HNF4A: variants seen among roughly 807,000 people sequenced by gnomAD.
HNF4A encodes hepatocyte nuclear factor 4 alpha.
Under a neutral mutation model 52.4 loss-of-function variants are expected in HNF4A, and 15 were observed. The observed-to-expected ratio is 0.29, with a 90% CI of 0.19 to 0.44. The LOEUF (loss-of-function observed/expected upper bound fraction) is 0.44, where lower values mean the gene tolerates loss of function less well. Among genes scored for constraint, HNF4A ranks in the 20% least tolerant of loss-of-function variants. The pLI, the probability that HNF4A is intolerant of heterozygous loss-of-function variation, is 1.00. For missense variants in HNF4A, 479 were observed against 647.2 expected, an observed-to-expected ratio of 0.74 and a Z score of 2.82; for synonymous variants, 280 against 264.4, an observed-to-expected ratio of 1.06 and a Z score of -0.57.
At chr20:44,414,386 G>C in intron 4 of HNF4A, 121 bp from the exon 5 acceptor site, 1 of 1,414,838 alleles carries the variant, frequency 7.1e-7, no homozygotes. Flanking sequence ...CAGAGCTGGA[G>C]GGCACCCACT....
Position 44,414,459 on chromosome 20 carries a change from G to A in HNF4A, c.493-48G>A, listed in dbSNP as rs191026838. 9.4e-4 allele frequency: 1,515 copies of A among 1,613,470 alleles called. 17 individuals carry two copies. The South Asian group carries it at 0.012, about 13-fold the overall frequency. On this transcript the variant is annotated intron_variant, in intron 4 of 9. Transcript: ENST00000316099. ...GCTCTGTGCAGGGGACAGAGAGTGC[G>A]GGAGGGCCCGGACATCTCCAGCATT...
At chr20:44,408,422 A>T (rs1331855398) in intron 3 of HNF4A, among the ~76,000 whole-genome samples, 4 of 152,190 alleles carry the variant, frequency 2.6e-5, no homozygotes, top group Non-Finnish European at 5.9e-5. Context: ...AAAATCTTTT[A>T]ACTGCTTTAA....
intron 3 of HNF4A, among the ~76,000 whole-genome samples, chr20:44,407,757 TTGTG>T (rs35406830): frequency 0.015 from 2,179 of 145,932 alleles, 43 homozygotes; most frequent in Admixed American, 0.062. Flanking sequence ...AGCAGCCACG[TTGTG>T]TGTGTGTGTG....
chr20:44,429,566 G>A lies in HNF4A; in HGVS notation c.1326G>A (p.Gly442=), dbSNP rs2063852034. 6.2e-6 allele frequency: 10 copies of A among 1,613,728 alleles called. No individual in the cohort carries two copies. The highest frequency in any genetic ancestry group is 1.1e-5 in the South Asian group (1 of 91,054). Residue 442 remains glycine, a synonymous_variant, in exon 10 of 10, where the codon GGG becomes GGA. Transcript: ENST00000316099. ...AGCCCTCACCGCCAGGTGGCTCAGG[G>A]TCTGAGCCCTATAAGCTCCTGCCGG...
intron 5 of HNF4A, among the ~76,000 whole-genome samples, chr20:44,415,210 T>C (rs554634358): frequency 3.3e-5 from 5 of 152,238 alleles, no homozygotes; most frequent in Non-Finnish European, 7.4e-5. Flanking sequence ...GTTGGGAGGA[T>C]TGAGGACATT....
At chr20:44,391,901 C>A (rs543114768) in intron 1 of HNF4A, 7 of 152,276 alleles carry the variant, frequency 4.6e-5, no homozygotes, top group African/African-American at 1.4e-4. Context: ...TCAATTTACA[C>A]CTTTTATGTT....
chr20:44,421,773 G>GTATATATATATAATATATATTATATA (rs1568738767), intron 7 of HNF4A, among the ~76,000 whole-genome samples: 1 of 144,528 alleles, frequency 6.9e-6, no homozygotes, highest in African/African-American at 2.5e-5. Context: ...ACATATATGT[G>GTATATATATATAATATATATTATATA]TATATATATA....
Position 44,431,814 on chromosome 20 carries a change from A to T in HNF4A, c.*2149A>T, listed in dbSNP as rs1445993765. ...CAGTGCCCCAGTGCCCAGAAATCCC[A>T]CCATTAGTGATTGTTTTTTATGAGA... On this transcript the variant is annotated 3_prime_UTR_variant, in exon 10 of 10. Transcript: ENST00000316099. The T allele has an allele frequency of 1.3e-5, 2 of 152,228 alleles. No individual in the cohort carries two copies. Among genetic ancestry groups the T allele is most frequent in the Non-Finnish European group, 2.9e-5 (2 of 68,114 alleles). The allele number at this position is 152,228 out of a possible 1,614,324, so 9.4% of individuals were successfully genotyped here.
intron 1 of HNF4A, among the ~76,000 whole-genome samples, chr20:44,357,380 A>G (rs1381549008): frequency 6.6e-6 from 1 of 152,124 alleles, no homozygotes; most frequent in Non-Finnish European, 1.5e-5. Flanking sequence ...CTTAATCCAC[A>G]ATTTTAAGAC....
At chr20:44,378,820 GA>G (rs2063116353) in intron 1 of HNF4A, among the ~76,000 whole-genome samples, 1 of 151,526 alleles carries the variant, frequency 6.6e-6, no homozygotes, top group Non-Finnish European at 1.5e-5. Context: ...TCAGGAGGCT[GA>G]GGCAGGAGAC....
intron 1 of HNF4A, among the ~76,000 whole-genome samples, chr20:44,394,865 G>T (rs943498064): frequency 6.6e-6 from 1 of 152,218 alleles, no homozygotes; most frequent in Non-Finnish European, 1.5e-5. Context: ...AACAGGCTCA[G>T]CAATGATTAG....
intron 1 of HNF4A, among the ~76,000 whole-genome samples, chr20:44,381,060 A>G (rs80126940): frequency 0.025 from 3,737 of 152,198 alleles, 142 homozygotes; most frequent in African/African-American, 0.084. Flanking sequence ...CCTCTAACCC[A>G]CTGGAATCCT....
intron 1 of HNF4A, chr20:44,377,697 G>C (rs1258868611): frequency 2.0e-5 from 3 of 151,470 alleles, no homozygotes; most frequent in Non-Finnish European, 4.4e-5. Context: ...TGGGAGGCAG[G>C]TAAAAAAAAC....
chr20:44,406,070 C>T lies in HNF4A; in HGVS notation c.128C>T (p.Ser43Leu). 1 of 1,612,568 alleles carries T rather than the reference C, an allele frequency of 6.2e-7. No homozygotes were observed. Reference sequence around the variant, plus strand: ...TCTCCTGGCGCAGACACGTCCCCATCAGAAGGCACCAACCTCAACGCGCCC... The same window carrying T: ...TCTCCTGGCGCAGACACGTCCCCATTAGAAGGCACCAACCTCAACGCGCCC... The change falls in exon 2 of 10, where the codon TCA becomes TTA. Residue 43 changes from serine (S) to leucine (L), a missense_variant. Coordinates refer to ENST00000316099, the MANE Select transcript of HNF4A (RefSeq NM_000457.6).
intron 1 of HNF4A, among the ~76,000 whole-genome samples, chr20:44,358,672 C>G (rs75945960): frequency 0.024 from 3,611 of 152,138 alleles, 129 homozygotes; most frequent in African/African-American, 0.083. Flanking sequence ...CTGGGGTTCT[C>G]TAATGGGGAT....
At chr20:44,418,343 G>C (rs2063694996) in intron 5 of HNF4A, 82 bp from the exon 6 acceptor site, 1 of 1,087,986 alleles carries the variant, frequency 9.2e-7, no homozygotes, top group East Asian at 2.4e-5. Context: ...GCATTAAGCT[G>C]ACTTGCCCAG....
chr20:44,424,549 A>G (rs1050369525), intron 8 of HNF4A: 1 of 1,112,990 alleles, frequency 9.0e-7, no homozygotes, highest in Non-Finnish European at 1.3e-6. Context: ...GTATGTATGG[A>G]TGCGTGGATA....
At chr20:44,365,955 C>T (rs1181672495) in intron 1 of HNF4A, among the ~76,000 whole-genome samples, 2 of 152,020 alleles carry the variant, frequency 1.3e-5, no homozygotes, top group Admixed American at 6.6e-5. Context: ...TGCTGTGAGC[C>T]GAGATTACAA....
chr20:44,388,371 G>GGC (rs2063258099), intron 1 of HNF4A, among the ~76,000 whole-genome samples: 1 of 92,308 alleles, frequency 1.1e-5, no homozygotes, highest in African/African-American at 8.2e-5. Flanking sequence ...CTTCCTCAAA[G>GGC]ACCCCCCCCA....
Sources: allele counts gnomAD v4.1 joint callset (sites outside exome capture counted in the v4.1 genomes callset), GRCh38; gene constraint gnomAD v4.1.1; transcripts MANE v1.5; gene names NCBI Gene and HGNC (gene_info 2026-07-23, HGNC 2026-07-21).